Variants in CD96 observed in about 807,000 individuals in gnomAD.
The protein encoded by CD96 is CD96 molecule, also known as T-cell surface protein tactile.
In CD96, 70 loss-of-function variants were observed where a neutral mutation model predicts 71.3. The observed-to-expected ratio is 0.98, with a 90% CI of 0.81 to 1.20. The LOEUF (loss-of-function observed/expected upper bound fraction) is 1.20, where lower values mean the gene tolerates loss of function less well. CD96 is among the 50% of genes most tolerant of loss of function. The pLI is 0.00. For synonymous variants in CD96, 248 were observed against 233.0 expected, an observed-to-expected ratio of 1.06 and a Z score of -0.59; for missense variants, 742 against 677.5, an observed-to-expected ratio of 1.10 and a Z score of -1.06.
chr3:111,580,372 G>A (rs1053083092), intron 4 of CD96, among the ~76,000 whole-genome samples: 5 of 152,116 alleles, frequency 3.3e-5, no homozygotes, highest in African/African-American at 1.2e-4. Flanking sequence ...GCCTTTGGAT[G>A]TTTTTTTCAT....
intron 14 of CD96, among the ~76,000 whole-genome samples, chr3:111,661,547 A>T (rs1013377793): frequency 1.3e-5 from 2 of 152,268 alleles, no homozygotes; most frequent in Non-Finnish European, 2.9e-5. Context: ...CAATGAGGGT[A>T]CAGATGTTGG....
At chr3:111,567,339 C>T (rs961781836) in intron 2 of CD96, among the ~76,000 whole-genome samples, 184 bp from the exon 3 acceptor site, 5 of 152,168 alleles carry the variant, frequency 3.3e-5, no homozygotes, top group African/African-American at 1.2e-4. Context: ...TTCTGTGCTC[C>T]TCAGTGACTC....
At chr3:111,663,380 T>C (rs534902634) in intron 14 of CD96, among the ~76,000 whole-genome samples, 1 of 152,158 alleles carries the variant, frequency 6.6e-6, no homozygotes, top group South Asian at 2.1e-4. Flanking sequence ...GAATTTTTGG[T>C]TAAGTCCCCA....
At chr3:111,622,373 G>A (rs1431924335) in intron 8 of CD96, among the ~76,000 whole-genome samples, 1 of 152,098 alleles carries the variant, frequency 6.6e-6, no homozygotes, top group Admixed American at 6.5e-5. Context: ...ATACTTTTTA[G>A]CATTTACTAC....
chr3:111,635,325 C>G (rs1939275193), intron 10 of CD96, among the ~76,000 whole-genome samples: 1 of 152,080 alleles, frequency 6.6e-6, no homozygotes, highest in Non-Finnish European at 1.5e-5. Flanking sequence ...AGATTAAAAA[C>G]AAAACAAAAA....
At chr3:111,626,106 A>G (rs1938738710) in intron 10 of CD96, among the ~76,000 whole-genome samples, 1 of 152,018 alleles carries the variant, frequency 6.6e-6, no homozygotes. Context: ...GATCAAGACC[A>G]TCCTGGCTAA....
At chr3:111,633,786 A>T (rs1939190528) in intron 10 of CD96, 1 of 152,992 alleles carries the variant, frequency 6.5e-6, no homozygotes, top group South Asian at 2.1e-4. Flanking sequence ...ATTCACCTTG[A>T]AAAGGAAGAT....
intron 2 of CD96, among the ~76,000 whole-genome samples, chr3:111,561,213 A>G (rs1322366049): frequency 6.8e-6 from 1 of 146,854 alleles, no homozygotes; most frequent in East Asian, 2.0e-4. Flanking sequence ...TCAGCTCGTC[A>G]AAGTCATTCT....
intron 8 of CD96, among the ~76,000 whole-genome samples, chr3:111,616,184 G>T (rs1368394839): frequency 6.6e-6 from 1 of 152,032 alleles, no homozygotes; most frequent in Non-Finnish European, 1.5e-5. Context: ...TCTGATGAGG[G>T]CAGTGTTTTT....
At chr3:111,612,510 AAATGTATTTTCTCATTG>A in intron 8 of CD96, among the ~76,000 whole-genome samples, 1 of 152,338 alleles carries the variant, frequency 6.6e-6, no homozygotes, top group East Asian at 1.9e-4. Context: ...CTAAACTAGT[AAATGTATTTTCTCATTG>A]AATCCTCCCA....
chr3:111,589,388 T>G (rs963625795), intron 5 of CD96, among the ~76,000 whole-genome samples: 3 of 152,240 alleles, frequency 2.0e-5, no homozygotes, highest in African/African-American at 7.2e-5. Flanking sequence ...CTTTACCTAA[T>G]GTGCCATAAA....
At chr3:111,563,044 G>A (rs2107533988) in intron 2 of CD96, among the ~76,000 whole-genome samples, 1 of 152,348 alleles carries the variant, frequency 6.6e-6, no homozygotes, top group South Asian at 2.1e-4. Flanking sequence ...CTGGAGGGGA[G>A]AAATGCCATG....
intron 10 of CD96, among the ~76,000 whole-genome samples, chr3:111,635,998 T>A (rs1939308585): frequency 6.6e-6 from 1 of 152,238 alleles, no homozygotes; most frequent in African/African-American, 2.4e-5. Flanking sequence ...GCGAATGGCA[T>A]AATCATTAAA....
chr3:111,638,193 G>A lies in CD96; in HGVS notation c.1477+25G>A, dbSNP rs761308566. 3.0e-5 allele frequency: 40 copies of A among 1,347,330 alleles called. No individual in the cohort carries two copies. In the South Asian group the frequency reaches 4.7e-4, roughly 16 times the overall value. The allele number at this position is 1,347,330 out of a possible 1,614,324, so 83.5% of individuals were successfully genotyped here. A position where few individuals can be genotyped will look rare whatever the true frequency, so the allele number is the denominator to read the frequency against. On this transcript the variant is annotated intron_variant, in intron 12 of 13. Coordinates refer to ENST00000352690, the MANE Select transcript of CD96 (RefSeq NM_005816.5). ...GGTAAGTCATTTATCCTATTTTGGG[G>A]GATTTTATGCTTTATTCACTCAATA...
chr3:111,643,405 T>C (rs1296686111), intron 12 of CD96, among the ~76,000 whole-genome samples: 1 of 152,080 alleles, frequency 6.6e-6, no homozygotes, highest in Non-Finnish European at 1.5e-5. Context: ...AAGCATTCCC[T>C]CTTAGAACTA....
intron 8 of CD96, among the ~76,000 whole-genome samples, chr3:111,618,368 G>A (rs1938349972): frequency 6.6e-6 from 1 of 152,118 alleles, no homozygotes; most frequent in South Asian, 2.1e-4. Flanking sequence ...AAAAAAATGA[G>A]AGTAACATTA....
At chr3:111,578,897 T>C (rs1211391405) in intron 3 of CD96, 130 bp from the exon 4 acceptor site, 2 of 707,446 alleles carry the variant, frequency 2.8e-6, no homozygotes, top group East Asian at 5.4e-5. Flanking sequence ...ATACTAAATG[T>C]CTTCTAATTT....
In CD96 at chr3:111,647,576, C is replaced by T. The variant is rs772959060; in HGVS notation, c.1511C>T (p.Ser504Phe). 4 of 1,611,768 alleles carry T rather than the reference C, an allele frequency of 2.5e-6. No homozygotes were observed. Among genetic ancestry groups the T allele is most frequent in the Middle Eastern group, 1.7e-4 (1 of 6,050 alleles). ...IVVNKPKDGM[S>F]WPVIVAALLF... ...GTCAATAAGCCCAAAGATGGAATGT[C>T]CTGGCCAGTGATTGTAGCAGCTTTA... Residue 504 changes from serine (S) to phenylalanine (F), a missense_variant, in exon 13 of 14, where the codon TCC becomes TTC. Transcript: ENST00000352690.
chr3:111,619,916 G>T lies in CD96; in HGVS notation c.1181-3838G>T, dbSNP rs527302346. Reference sequence around the variant, plus strand: ...ACTGTTCTCCTGCTGCTTTTGTCTTGGATATGCACTTTGGCAGGTAACGCC... The same window carrying T: ...ACTGTTCTCCTGCTGCTTTTGTCTTTGATATGCACTTTGGCAGGTAACGCC... On this transcript the variant is annotated intron_variant, in intron 8 of 13. Coordinates refer to ENST00000352690, the MANE Select transcript of CD96 (RefSeq NM_005816.5). Among the ~76,000 whole-genome samples, 4 of 152,290 alleles carry T rather than the reference G, an allele frequency of 2.6e-5. No homozygotes were observed. In the East Asian group the frequency reaches 5.8e-4, roughly 22 times the overall value.
Sources: gnomAD v4.1 joint callset for allele counts (sites outside exome capture counted in the v4.1 genomes callset) on GRCh38, gnomAD v4.1.1 for gene constraint, MANE v1.5 for transcripts, NCBI Gene and HGNC (gene_info 2026-07-23, HGNC 2026-07-21) for gene names.